EIF2S1: variants seen among roughly 807,000 people sequenced by gnomAD.
The protein encoded by EIF2S1 is eukaryotic translation initiation factor 2 subunit alpha.
In EIF2S1, 5 loss-of-function variants were observed where a neutral mutation model predicts 33.5. That is an observed-to-expected ratio of 0.15 (90% CI 0.08 to 0.31). The LOEUF (loss-of-function observed/expected upper bound fraction) is 0.31, where lower values mean the gene tolerates loss of function less well. Ranked by LOEUF, EIF2S1 falls within the 10% of genes least tolerant of loss-of-function variation. The pLI, the probability that EIF2S1 is intolerant of heterozygous loss-of-function variation, is 1.00. For synonymous variants in EIF2S1, 99 were observed against 127.5 expected, an observed-to-expected ratio of 0.78 and a Z score of 1.51; for missense variants, 191 against 384.6, an observed-to-expected ratio of 0.50 and a Z score of 4.21.
intron 4 of EIF2S1, among the ~76,000 whole-genome samples, chr14:67,380,018 A>G (rs1271184720): frequency 6.6e-6 from 1 of 152,036 alleles, no homozygotes; most frequent in Admixed American, 6.5e-5. Context: ...CAGCCTCCCA[A>G]AGTGCTGGGA....
intron 6 of EIF2S1, 70 bp downstream of exon 6, chr14:67,381,760 T>A: frequency 8.5e-7 from 1 of 1,176,184 alleles, no homozygotes; most frequent in Admixed American, 2.3e-5. Flanking sequence ...TGATCTTTGT[T>A]TCTTTTTTTT....
intron 1 of EIF2S1, among the ~76,000 whole-genome samples, chr14:67,361,996 G>T (rs1261024742): frequency 6.6e-6 from 1 of 150,774 alleles, no homozygotes; most frequent in Non-Finnish European, 1.5e-5. Flanking sequence ...TAATTACTTA[G>T]GTAAGAGTCT....
intron 2 of EIF2S1, among the ~76,000 whole-genome samples, chr14:67,369,514 A>AT (rs2085804814): frequency 6.6e-6 from 1 of 152,212 alleles, no homozygotes; most frequent in Admixed American, 6.5e-5. Context: ...AAAAGGCAAA[A>AT]TACACATTAT....
At chr14:67,363,146 A>C (rs1369854192) in intron 1 of EIF2S1, among the ~76,000 whole-genome samples, 1 of 152,074 alleles carries the variant, frequency 6.6e-6, no homozygotes, top group Non-Finnish European at 1.5e-5. Flanking sequence ...GCCCAATTTG[A>C]AACTTTTTAG....
In EIF2S1 at chr14:67,383,376, G is replaced by A. The variant is rs1363266578; in HGVS notation, c.884G>A (p.Arg295Lys). The A allele has an allele frequency of 6.2e-7, 1 of 1,613,818 alleles. No homozygotes were observed. Among genetic ancestry groups the A allele is most frequent in the Non-Finnish European group, 8.5e-7 (1 of 1,179,786 alleles). ...GCGAGGCAGATGGAGAGGCTTGAAA[G>A]AGAAAATGCCGAAGTGGATGGAGAT... Reference protein sequence around the residue: ...ELARQMERLERENAEVDGDDD... With the variant: ...ELARQMERLEKENAEVDGDDD... Residue 295 changes from arginine (R) to lysine (K), a missense_variant, in exon 8 of 8, where the codon AGA becomes AAA. Physicochemically the swap from Arg to Lys is conservative, Grantham distance 26 (BLOSUM62 2). Transcript: ENST00000256383.
chr14:67,379,875 C>T (rs1311597455), intron 4 of EIF2S1, among the ~76,000 whole-genome samples: 1 of 151,766 alleles, frequency 6.6e-6, no homozygotes, highest in African/African-American at 2.4e-5. Context: ...GGGATGGTCT[C>T]GATCTCCTGA....
chr14:67,377,150 A>G (rs2085861302), intron 4 of EIF2S1, among the ~76,000 whole-genome samples: 1 of 152,076 alleles, frequency 6.6e-6, no homozygotes, highest in Non-Finnish European at 1.5e-5. Context: ...TTTCTCTCTT[A>G]TCCAACATAG....
At chr14:67,367,183 G>A (rs1222313030) in intron 2 of EIF2S1, among the ~76,000 whole-genome samples, 2 of 152,214 alleles carry the variant, frequency 1.3e-5, no homozygotes, top group Non-Finnish European at 2.9e-5. Context: ...GGGAGACAGA[G>A]CTTATAGTTT....
Position 67,381,582 on chromosome 14 carries a change from T to C in EIF2S1, c.581-11T>C. On this transcript the variant is annotated splice_polypyrimidine_tract_variant and intron_variant, in intron 5 of 7. Coordinates refer to ENST00000256383, the MANE Select transcript of EIF2S1 (RefSeq NM_004094.5). ...CATTTTTTATCAACTTTTGAATTTTTGTAATTGTAGATATTGAAGTGGCTT... is the reference window on the plus strand; with the variant it reads ...CATTTTTTATCAACTTTTGAATTTTCGTAATTGTAGATATTGAAGTGGCTT... 1 of 1,601,900 alleles carries C rather than the reference T, an allele frequency of 6.2e-7. No individual in the cohort carries two copies. The highest frequency in any genetic ancestry group is 8.5e-7 in the Non-Finnish European group (1 of 1,174,280).
At position 67,378,400 on chromosome 14, in the gene EIF2S1, TAAC is replaced by T. The variant is rs201164852; in HGVS notation, c.473+1817_473+1819del. Among the ~76,000 whole-genome samples the T allele has an allele frequency of 4.7e-3, 705 of 150,858 alleles. 5 individuals carry two copies. The highest frequency in any genetic ancestry group is 0.016 in the African/African-American group (672 of 41,072). On this transcript the variant is annotated intron_variant, in intron 4 of 7. Coordinates refer to ENST00000256383, the MANE Select transcript of EIF2S1 (RefSeq NM_004094.5). The stretch of plus-strand genomic sequence containing the variant: ...ATGATAACTAACATTTATATAATTC[TAAC>T]AACAACCTGTGGTATAAATGCTATT...
At chr14:67,380,925 T>C (rs1040739706) in intron 5 of EIF2S1, among the ~76,000 whole-genome samples, 160 bp downstream of exon 5, 7 of 152,348 alleles carry the variant, frequency 4.6e-5, no homozygotes, top group Middle Eastern at 3.4e-3. Context: ...TTTTGGCTTC[T>C]GAATCATAAA....
At chr14:67,370,463 C>G (rs1044402085) in intron 2 of EIF2S1, among the ~76,000 whole-genome samples, 1 of 151,958 alleles carries the variant, frequency 6.6e-6, no homozygotes, top group African/African-American at 2.4e-5. Context: ...AATTGATAAA[C>G]CCCTAGTTAG....
At chr14:67,376,786 A>G (rs1379098674) in intron 4 of EIF2S1, among the ~76,000 whole-genome samples, 196 bp downstream of exon 4, 1 of 152,236 alleles carries the variant, frequency 6.6e-6, no homozygotes, top group East Asian at 1.9e-4. Context: ...TTCATAAACC[A>G]TATGGTTTAT....
chr14:67,381,732 T>A, intron 6 of EIF2S1, 42 bp downstream of exon 6: 1 of 1,322,278 alleles, frequency 7.6e-7, no homozygotes, highest in Non-Finnish European at 1.1e-6. Flanking sequence ...AATGCTCACC[T>A]AAACCAAATA....
At position 67,362,011 on chromosome 14, in the gene EIF2S1, T is replaced by TTTTTTTC. The variant is rs1170872924; in HGVS notation, c.-2+1576_-2+1582dup. On this transcript the variant is annotated intron_variant, in intron 1 of 7. Coordinates refer to ENST00000256383, the MANE Select transcript of EIF2S1 (RefSeq NM_004094.5). ...TAATTACTTAGGTAAGAGTCTTTTT[T>TTTTTTTC]TTTTTTCTTTTTTCTTTTTTCTTTT... 4.4e-4 allele frequency among the ~76,000 whole-genome samples: 65 copies of TTTTTTTC among 148,592 alleles called. 2 individuals carry two copies. The South Asian group carries it at 0.013, about 29-fold the overall frequency.
chr14:67,381,732 T>G (rs1405139558), intron 6 of EIF2S1, 42 bp downstream of exon 6: 5 of 1,322,174 alleles, frequency 3.8e-6, no homozygotes, highest in Non-Finnish European at 5.3e-6. Context: ...AATGCTCACC[T>G]AAACCAAATA....
chr14:67,372,028 G>A (rs1013337889), intron 2 of EIF2S1, among the ~76,000 whole-genome samples: 1 of 152,146 alleles, frequency 6.6e-6, no homozygotes, highest in South Asian at 2.1e-4. Flanking sequence ...ACTTTGGGAG[G>A]CCTAGGTGGG....
rs192312809 is a variant in EIF2S1, at chr14:67,385,887, C to T, written c.*2447C>T. On this transcript the variant is annotated 3_prime_UTR_variant, in exon 8 of 8. Coordinates refer to ENST00000256383, the MANE Select transcript of EIF2S1 (RefSeq NM_004094.5). The stretch of plus-strand genomic sequence containing the variant: ...AAGCACTACATCATGCTAAGAAGAA[C>T]AGTTATTACTCAGCTGCCATACTTC... 18 of 152,242 alleles carry T rather than the reference C, an allele frequency of 1.2e-4. No individual in the cohort carries two copies. The highest frequency in any genetic ancestry group is 1.0e-3 in the Admixed American group (16 of 15,292). The allele number at this position is 152,242 out of a possible 1,614,324, so 9.4% of individuals were successfully genotyped here.
At chr14:67,365,615 A>G (rs1230706734) in intron 2 of EIF2S1, among the ~76,000 whole-genome samples, 3 of 152,230 alleles carry the variant, frequency 2.0e-5, no homozygotes, top group African/African-American at 7.2e-5. Context: ...CCCCATGTAA[A>G]TCATCACCTT....
Sources: gnomAD v4.1 joint callset for allele counts (sites outside exome capture counted in the v4.1 genomes callset) on GRCh38, gnomAD v4.1.1 for gene constraint, MANE v1.5 for transcripts, NCBI Gene and HGNC (gene_info 2026-07-23, HGNC 2026-07-21) for gene names.